CSMD1: variants seen among roughly 807,000 people sequenced by gnomAD.
CSMD1 encodes the protein CUB and sushi domain-containing protein 1.
In CSMD1, 213 loss-of-function variants were observed where a neutral mutation model predicts 417.5. The observed-to-expected ratio is 0.51, with a 90% CI of 0.46 to 0.57. The LOEUF is 0.57. Ranked by LOEUF, CSMD1 falls within the 20% of genes least tolerant of loss-of-function variation. The pLI is 0.00. For synonymous variants in CSMD1, 2,862 were observed against 1,736.8 expected (o/e 1.65, Z -16.11); for missense variants, 6,923 against 4,529.7 (o/e 1.53, Z -15.17).
intron 5 of CSMD1, among the ~76,000 whole-genome samples, chr8:3,855,281 T>A (rs957644151): frequency 9.9e-5 from 15 of 152,208 alleles, no homozygotes; most frequent in African/African-American, 3.6e-4. Context: ...CAAAAATCTG[T>A]CTTTGCAATT....
rs968883868 is a variant in CSMD1 at position 4,345,460 on chromosome 8, G to A, written c.415+74493C>T. Among the ~76,000 whole-genome samples, 8 of 151,686 alleles carry A rather than the reference G, an allele frequency of 5.3e-5. No homozygotes were observed. In the East Asian group the frequency reaches 7.7e-4, roughly 15 times the overall value. ...TAAAGAAGAGAAAAAATAGATAACT[G>A]GAATTACATCAAACTACAAAGCTTT... is the stretch of plus-strand genomic sequence containing the variant. On this transcript the variant is annotated intron_variant, in intron 3 of 69. Transcript: ENST00000635120.
intron 25 of CSMD1, among the ~76,000 whole-genome samples, chr8:3,303,831 A>C (rs1804600638): frequency 6.6e-6 from 1 of 152,216 alleles, no homozygotes; most frequent in Non-Finnish European, 1.5e-5. Flanking sequence ...ATGTCTTGTG[A>C]TTAGACTTTT....
intron 11 of CSMD1, among the ~76,000 whole-genome samples, chr8:3,475,179 G>T (rs1817334448): frequency 6.9e-6 from 1 of 144,508 alleles, no homozygotes; most frequent in Non-Finnish European, 1.5e-5. Context: ...TTAGCCTCTT[G>T]AAGCCAGATT....
At chr8:4,534,633 T>C (rs1270185874) in intron 2 of CSMD1, among the ~76,000 whole-genome samples, 2 of 152,158 alleles carry the variant, frequency 1.3e-5, no homozygotes, top group Non-Finnish European at 2.9e-5. Context: ...TTTCCCATTT[T>C]TATGGCCATG....
chr8:4,716,567 T>C (rs1347656317), intron 1 of CSMD1, among the ~76,000 whole-genome samples: 1 of 152,230 alleles, frequency 6.6e-6, no homozygotes, highest in Non-Finnish European at 1.5e-5. Flanking sequence ...GGCACAGATG[T>C]TAAAGGAATT....
At chr8:4,028,238 C>G (rs915671565) in intron 4 of CSMD1, among the ~76,000 whole-genome samples, 3 of 151,960 alleles carry the variant, frequency 2.0e-5, no homozygotes, top group Non-Finnish European at 4.4e-5. Context: ...ACGATTAATC[C>G]CAAATCTAAC....
chr8:4,818,926 T>C (rs979281460), intron 1 of CSMD1, among the ~76,000 whole-genome samples: 7 of 152,182 alleles, frequency 4.6e-5, no homozygotes, highest in Admixed American at 2.0e-4. Context: ...TGGAAATGGG[T>C]TTCTGATTCC....
In CSMD1 at chr8:3,990,767, T is replaced by A. The variant is rs575204049; in HGVS notation, c.818+7136A>T. ...AGTTGCAGGGGCACCTGCTGGTGAG[T>A]CCATCCCTTTCATGAGGAAGGAGAG... On this transcript the variant is annotated intron_variant, in intron 5 of 69. Coordinates refer to ENST00000635120, the MANE Select transcript of CSMD1 (RefSeq NM_033225.6). Among the ~76,000 whole-genome samples the A allele has an allele frequency of 6.1e-4, 93 of 152,128 alleles. 2 individuals are homozygous for A. In the South Asian group the frequency reaches 0.018, roughly 29 times the overall value.
Position 4,339,797 on chromosome 8 carries a change from G to A in CSMD1, c.415+80156C>T, listed in dbSNP as rs78881317. Among the ~76,000 whole-genome samples, 6 of 152,182 alleles carry A rather than the reference G, an allele frequency of 3.9e-5. No homozygotes were observed. In the East Asian group the frequency reaches 1.2e-3, roughly 29 times the overall value. The stretch of plus-strand genomic sequence containing the variant: ...CTAATGCTTTGGGAGAATGAGGTGG[G>A]AGAACCACTTGAGGCCAGGAGTTTA... On this transcript the variant is annotated intron_variant, in intron 3 of 69. Transcript: ENST00000635120.
chr8:3,961,556 A>G (rs1401377128), intron 5 of CSMD1, among the ~76,000 whole-genome samples: 1 of 152,218 alleles, frequency 6.6e-6, no homozygotes, highest in Non-Finnish European at 1.5e-5. Flanking sequence ...CTAGGCAGAA[A>G]TTTCCACTAA....
chr8:4,803,999 C>T (rs1180678790), intron 1 of CSMD1, among the ~76,000 whole-genome samples: 2 of 152,198 alleles, frequency 1.3e-5, no homozygotes, highest in East Asian at 3.9e-4. Context: ...GGAGCCACAA[C>T]TCTACTCACA....
chr8:3,594,580 C>T (rs1040279249), intron 8 of CSMD1, among the ~76,000 whole-genome samples: 4 of 152,156 alleles, frequency 2.6e-5, no homozygotes, highest in Non-Finnish European at 5.9e-5. Context: ...CTCCTACCTT[C>T]CTGTTTTGAA....
chr8:4,084,345 C>G (rs377588808), intron 3 of CSMD1, among the ~76,000 whole-genome samples: 2 of 142,200 alleles, frequency 1.4e-5, no homozygotes, highest in East Asian at 4.4e-4. Context: ...AAAAAAAAAA[C>G]AAACTACAAC....
intron 5 of CSMD1, among the ~76,000 whole-genome samples, chr8:3,788,256 T>A (rs1799553128): frequency 6.6e-6 from 1 of 152,202 alleles, no homozygotes; most frequent in Non-Finnish European, 1.5e-5. Context: ...AAGATGGAGC[T>A]AAACATCAGT....
intron 3 of CSMD1, among the ~76,000 whole-genome samples, chr8:4,346,398 G>T (rs539291453): frequency 5.3e-5 from 8 of 152,202 alleles, no homozygotes; most frequent in African/African-American, 1.9e-4. Context: ...CAGCCGAGTT[G>T]AACAGTTACA....
chr8:3,384,849 A>G (rs557795763), intron 18 of CSMD1, among the ~76,000 whole-genome samples: 35 of 122,758 alleles, frequency 2.9e-4, no homozygotes, highest in African/African-American at 1.1e-3. Flanking sequence ...ATATTTATAT[A>G]TGCTATTTAT....
intron 1 of CSMD1, among the ~76,000 whole-genome samples, chr8:4,732,385 T>TGTGGC (rs1563244669): frequency 1.3e-4 from 10 of 75,278 alleles, no homozygotes; most frequent in African/African-American, 4.9e-4. Context: ...GTGTGTGTAG[T>TGTGGC]GTTTTTCCCC....
At chr8:4,065,131 GT>G (rs1405000057) in intron 3 of CSMD1, among the ~76,000 whole-genome samples, 1 of 152,136 alleles carries the variant, frequency 6.6e-6, no homozygotes, top group South Asian at 2.1e-4. Context: ...TGTTTTTAGA[GT>G]TTTTTAAAAA....
intron 5 of CSMD1, among the ~76,000 whole-genome samples, chr8:3,890,243 G>A (rs550082690): frequency 1.3e-5 from 2 of 152,186 alleles, no homozygotes; most frequent in Admixed American, 1.3e-4. Flanking sequence ...TATTCTTGTT[G>A]TTCAAACTTG....
Sources: gnomAD v4.1 joint callset for allele counts (sites outside exome capture counted in the v4.1 genomes callset) on GRCh38, gnomAD v4.1.1 for gene constraint, MANE v1.5 for transcripts, NCBI Gene and HGNC (gene_info 2026-07-23, HGNC 2026-07-21) for gene names.